TAFA1: variants seen among roughly 807,000 people sequenced by gnomAD.
TAFA1 encodes TAFA chemokine like family member 1.
A neutral mutation model predicts 18.5 loss-of-function variants in TAFA1; 4 were observed. The ratio of observed to expected loss-of-function variants is 0.22; its 90% CI spans 0.11 to 0.49. The LOEUF is 0.49. Ranked by LOEUF, TAFA1 falls within the 20% of genes least tolerant of loss-of-function variation. The pLI is 0.98. For synonymous variants in TAFA1, 56 were observed against 55.2 expected (o/e 1.01, Z -0.06); for missense variants, 147 against 169.0 (o/e 0.87, Z 0.72).
chr3:68,257,259 C>T (rs538314843), intron 2 of TAFA1, among the ~76,000 whole-genome samples: 7 of 152,140 alleles, frequency 4.6e-5, no homozygotes, highest in South Asian at 4.2e-4. Context: ...CCCAGCCACC[C>T]GACCCCAGAA....
chr3:68,170,277 C>G (rs979649770), intron 2 of TAFA1, among the ~76,000 whole-genome samples: 6 of 152,184 alleles, frequency 3.9e-5, no homozygotes, highest in African/African-American at 1.4e-4. Context: ...CAAAAGCCCT[C>G]TTCCCAGAAA....
intron 2 of TAFA1, among the ~76,000 whole-genome samples, chr3:68,176,649 A>G (rs1377310379): frequency 6.6e-6 from 1 of 152,184 alleles, no homozygotes; most frequent in Non-Finnish European, 1.5e-5. Flanking sequence ...ATGCACATAC[A>G]CATACATATT....
At chr3:68,221,856 G>A (rs1037310057) in intron 2 of TAFA1, among the ~76,000 whole-genome samples, 2 of 152,056 alleles carry the variant, frequency 1.3e-5, no homozygotes, top group African/African-American at 4.8e-5. Context: ...ATCACATTTT[G>A]CAAAATAATT....
chr3:68,183,653 C>G (rs1422085559), intron 2 of TAFA1, among the ~76,000 whole-genome samples: 1 of 152,104 alleles, frequency 6.6e-6, no homozygotes, highest in Non-Finnish European at 1.5e-5. Context: ...GAATTTTGTT[C>G]ATGCATCACT....
chr3:68,380,976 C>G (rs1483791724), intron 2 of TAFA1, among the ~76,000 whole-genome samples: 1 of 149,004 alleles, frequency 6.7e-6, no homozygotes, highest in African/African-American at 2.5e-5. Context: ...CCAGTTTCAG[C>G]TTTCTACATA....
At chr3:68,329,216 CTT>C (rs10681423) in intron 2 of TAFA1, among the ~76,000 whole-genome samples, 52 of 88,992 alleles carry the variant, frequency 5.8e-4, no homozygotes, top group African/African-American at 2.2e-3. Context: ...GCCTGGCTGC[CTT>C]TTTTTTTTTT....
chr3:68,539,706 G>T (rs2073341353), intron 4 of TAFA1, among the ~76,000 whole-genome samples: 1 of 75,058 alleles, frequency 1.3e-5, no homozygotes, highest in Non-Finnish European at 2.5e-5. Context: ...GTGGGTGGGT[G>T]TGTGCATGTG....
At chr3:68,036,400 C>T (rs998308344) in intron 2 of TAFA1, among the ~76,000 whole-genome samples, 2 of 144,856 alleles carry the variant, frequency 1.4e-5, no homozygotes, top group Non-Finnish European at 3.0e-5. Context: ...GACTGTGCCA[C>T]TGCACTCCAG....
At chr3:68,337,509 G>A (rs532151638) in intron 2 of TAFA1, among the ~76,000 whole-genome samples, 1 of 152,102 alleles carries the variant, frequency 6.6e-6, no homozygotes, top group Non-Finnish European at 1.5e-5. Flanking sequence ...CAAAAAAGTT[G>A]CTTTGGTATA....
intron 2 of TAFA1, among the ~76,000 whole-genome samples, chr3:68,086,745 G>T (rs1453262417): frequency 6.6e-6 from 1 of 152,120 alleles, no homozygotes; most frequent in African/African-American, 2.4e-5. Context: ...CAGACTTGTG[G>T]CCACACATCC....
At chr3:68,164,661 G>GT (rs57966288) in intron 2 of TAFA1, among the ~76,000 whole-genome samples, 3,580 of 151,114 alleles carry the variant, frequency 0.024, 73 homozygotes, top group Middle Eastern at 0.034. Context: ...GTGTGTGTGT[G>GT]GGAGGTAGTT....
At chr3:68,436,319 C>T (rs113894401) in intron 3 of TAFA1, among the ~76,000 whole-genome samples, 528 of 152,164 alleles carry the variant, frequency 3.5e-3, no homozygotes, top group African/African-American at 0.011. Context: ...ATATGATCTA[C>T]GCAAGCTTTG....
intron 3 of TAFA1, among the ~76,000 whole-genome samples, chr3:68,443,079 A>T (rs540212722): frequency 1.1e-4 from 17 of 152,226 alleles, no homozygotes; most frequent in African/African-American, 4.1e-4. Flanking sequence ...AGTGGCAGAG[A>T]GTAGAGAAGG....
At chr3:68,215,567 A>G (rs2066647705) in intron 2 of TAFA1, among the ~76,000 whole-genome samples, 1 of 152,094 alleles carries the variant, frequency 6.6e-6, no homozygotes, top group Admixed American at 6.6e-5. Context: ...GAGAATGAAA[A>G]GACAAGCCAT....
chr3:68,494,279 T>C (rs563387436), intron 3 of TAFA1, among the ~76,000 whole-genome samples: 3 of 152,276 alleles, frequency 2.0e-5, no homozygotes, highest in South Asian at 4.1e-4. Context: ...TTGGTATAAG[T>C]TTTAGACCTG....
At chr3:68,334,330 G>A (rs2068934465) in intron 2 of TAFA1, among the ~76,000 whole-genome samples, 1 of 151,966 alleles carries the variant, frequency 6.6e-6, no homozygotes, top group South Asian at 2.1e-4. Flanking sequence ...ATAGTTCAAA[G>A]CAGTGCTGAG....
intron 2 of TAFA1, among the ~76,000 whole-genome samples, chr3:68,010,547 G>A (rs971351905): frequency 6.6e-6 from 1 of 152,190 alleles, no homozygotes; most frequent in African/African-American, 2.4e-5. Context: ...CAAACAGAAT[G>A]AGAATATGTT....
intron 2 of TAFA1, among the ~76,000 whole-genome samples, chr3:68,034,097 C>T (rs961738168): frequency 5.3e-5 from 8 of 152,156 alleles, no homozygotes; most frequent in African/African-American, 1.9e-4. Context: ...AAATTGCCTA[C>T]TTGCTACCCA....
intron 2 of TAFA1, among the ~76,000 whole-genome samples, chr3:68,372,077 G>A (rs2069717657): frequency 6.6e-6 from 1 of 152,166 alleles, no homozygotes; most frequent in African/African-American, 2.4e-5. Context: ...CACATAGAAA[G>A]TATTTGATAA....
Sources: gnomAD v4.1 joint callset for allele counts (sites outside exome capture counted in the v4.1 genomes callset) on GRCh38, gnomAD v4.1.1 for gene constraint, MANE v1.5 for transcripts, NCBI Gene and HGNC (gene_info 2026-07-23, HGNC 2026-07-21) for gene names.